TEX9: variants seen among roughly 807,000 people sequenced by gnomAD.
The protein encoded by TEX9 is testis-expressed protein 9.
In TEX9, 74 loss-of-function variants were observed where a neutral mutation model predicts 59.6. The ratio of observed to expected loss-of-function variants is 1.24; its 90% CI spans 1.03 to 1.51. The LOEUF (loss-of-function observed/expected upper bound fraction) is 1.51, where lower values mean the gene tolerates loss of function less well. Ranked by LOEUF, TEX9 falls within the 40% of genes most tolerant of loss-of-function variation. The pLI is 0.00. For missense variants in TEX9, 522 were observed against 447.8 expected (o/e 1.17, Z -1.49); for synonymous variants, 186 against 152.2 (o/e 1.22, Z -1.64).
chr15:56,452,545 GT>G, the TEX9 span, among the ~76,000 whole-genome samples: 1 of 147,582 alleles, frequency 6.8e-6, no homozygotes, highest in Non-Finnish European at 1.5e-5. Flanking sequence ...TTGAGACAGA[GT>G]CTCTCTCTGT....
chr15:56,306,188 A>G (rs2045477999), intron 1 of TEX9, among the ~76,000 whole-genome samples: 1 of 143,096 alleles, frequency 7.0e-6, no homozygotes, highest in Non-Finnish European at 1.5e-5. Context: ...GCAGAACAGT[A>G]TGGAGGTTCC....
chr15:56,299,409 G>A (rs1250241422), intron 1 of TEX9, among the ~76,000 whole-genome samples: 1 of 152,162 alleles, frequency 6.6e-6, no homozygotes, highest in Non-Finnish European at 1.5e-5. Context: ...CTACCACCAT[G>A]GGCTAAAACA....
rs1555447129 is a variant in TEX9, at chr15:56,426,640, C to CACAA, written c.964-962_964-961insAACA. Among the ~76,000 whole-genome samples, 37 of 52,982 alleles carry CACAA rather than the reference C, an allele frequency of 7.0e-4. 1 individual carries two copies. Among genetic ancestry groups the CACAA allele is most frequent in the African/African-American group, 1.5e-3 (33 of 22,376 alleles). The allele number at this position is 52,982 out of a possible 152,430, so 34.8% of individuals were successfully genotyped here. A position where few individuals can be genotyped will look rare whatever the true frequency, so the allele number is the denominator to read the frequency against. ...ATATATATATATACACACACACAAA[C>CACAA]ACACACACACACACGTATGTATACA... is the stretch of plus-strand genomic sequence containing the variant. On this transcript the variant is annotated intron_variant, in intron 10 of 12. Transcript: ENST00000352903.
intron 3 of TEX9, among the ~76,000 whole-genome samples, chr15:56,378,952 T>A (rs1246583993): frequency 2.0e-5 from 3 of 151,570 alleles, no homozygotes; most frequent in Non-Finnish European, 4.4e-5. Context: ...TAGTCCCAAC[T>A]ACTTGAGGGG....
intron 1 of TEX9, among the ~76,000 whole-genome samples, chr15:56,316,295 G>A (rs1218032302): frequency 4.3e-4 from 65 of 151,956 alleles, no homozygotes; most frequent in African/African-American, 1.5e-3. Flanking sequence ...TCTACTTTTC[G>A]TCTTTGATGA....
intron 1 of TEX9, among the ~76,000 whole-genome samples, chr15:56,306,326 G>C (rs2045486672): frequency 6.8e-6 from 1 of 147,404 alleles, no homozygotes; most frequent in Non-Finnish European, 1.5e-5. Context: ...GTGCATTGCA[G>C]TACTATTCAC....
At chr15:56,254,491 C>T (rs1489547438) in intron 1 of TEX9, among the ~76,000 whole-genome samples, 1 of 151,372 alleles carries the variant, frequency 6.6e-6, no homozygotes, top group East Asian at 1.9e-4. Context: ...CAGTGGACCC[C>T]AGGAGGCACA....
intron 1 of TEX9, among the ~76,000 whole-genome samples, chr15:56,286,122 G>T (rs1177656232): frequency 6.6e-6 from 1 of 152,088 alleles, no homozygotes; most frequent in Admixed American, 6.6e-5. Context: ...TTTCATCTCT[G>T]TATTTCCCCT....
chr15:56,428,365 A>G lies in TEX9; in HGVS notation c.1099-2A>G. On this transcript the variant is annotated splice_acceptor_variant, in intron 11 of 12. Coordinates refer to ENST00000352903, the Ensembl canonical transcript of TEX9. LOFTEE classifies it high-confidence loss of function. ...AGACAATATTGATTTTTTTTTTAAC[A>G]GATGCATATTGAAGCTGCCAAGATG... 2 of 1,608,600 alleles carry G rather than the reference A, an allele frequency of 1.2e-6. No individual in the cohort carries two copies. The highest frequency in any genetic ancestry group is 1.1e-5 in the South Asian group (1 of 90,796).
chr15:56,379,754 T>C (rs1451283136), intron 3 of TEX9, among the ~76,000 whole-genome samples: 1 of 152,208 alleles, frequency 6.6e-6, no homozygotes. Flanking sequence ...AATCATTATA[T>C]CCTGTTGCTG....
chr15:56,247,670 T>C (rs1400501203), intron 1 of TEX9, among the ~76,000 whole-genome samples: 2 of 152,202 alleles, frequency 1.3e-5, no homozygotes, highest in African/African-American at 2.4e-5. Flanking sequence ...CTTTGCATTA[T>C]AGTTAGGATC....
At position 56,416,246 on chromosome 15, in the gene TEX9, A is replaced by G. The variant is rs1320453834; in HGVS notation, c.963+3810A>G. Among the ~76,000 whole-genome samples the G allele has an allele frequency of 2.0e-5, 3 of 151,808 alleles. 1 individual carries two copies. The highest frequency in any genetic ancestry group is 7.3e-5 in the African/African-American group (3 of 41,118). On this transcript the variant is annotated intron_variant, in intron 10 of 12. Transcript: ENST00000352903. ...CTGATTCCTCTGGTTAGGACTTCCA[A>G]TACTATGTTGAATAGTGTTGAGAGA... is the stretch of plus-strand genomic sequence containing the variant.
In TEX9 at chr15:56,436,264, C is replaced by T. The variant is rs549649834; in HGVS notation, c.*29+7791C>T. On this transcript the variant is annotated intron_variant, in intron 12 of 12. Coordinates refer to ENST00000352903, the Ensembl canonical transcript of TEX9. ...AAATTATAACAAACTGTCTCTCAGACCACAGTGCAATCAAACTAGAACTCA... is the reference window on the plus strand; with the variant it reads ...AAATTATAACAAACTGTCTCTCAGATCACAGTGCAATCAAACTAGAACTCA... Among the ~76,000 whole-genome samples, 27 of 152,276 alleles carry T rather than the reference C, an allele frequency of 1.8e-4. 1 individual carries two copies. The South Asian group carries it at 5.4e-3, about 30-fold the overall frequency.
intron 9 of TEX9, among the ~76,000 whole-genome samples, chr15:56,399,724 C>A (rs1485987698): frequency 2.0e-5 from 3 of 152,184 alleles, no homozygotes; most frequent in African/African-American, 7.2e-5. Context: ...CAACAGACAC[C>A]TCATGTAGGT....
intron 10 of TEX9, among the ~76,000 whole-genome samples, chr15:56,425,077 G>A (rs1055532555): frequency 5.3e-5 from 8 of 151,906 alleles, no homozygotes; most frequent in Admixed American, 3.9e-4. Context: ...CTGACTTCTG[G>A]CCTGTAAAGT....
chr15:56,310,481 A>G (rs541045808), intron 1 of TEX9, among the ~76,000 whole-genome samples: 1 of 152,340 alleles, frequency 6.6e-6, no homozygotes, highest in South Asian at 2.1e-4. Flanking sequence ...GTTTGTTCAC[A>G]TCTTTCTAGG....
chr15:56,456,658 T>G, the TEX9 span: 3 of 898,044 alleles, frequency 3.3e-6, no homozygotes, highest in African/African-American at 5.2e-5. Context: ...ATACAAAATG[T>G]TGTTTCAATA....
exon 7 of TEX9, chr15:56,391,332 G>A (rs753122116): frequency 4.4e-6 from 7 of 1,605,098 alleles, no homozygotes; most frequent in Middle Eastern, 1.7e-4. Flanking sequence ...AAAACAATTA[G>A]CAAAATTGAA....
At chr15:56,286,944 T>A (rs1353909615) in intron 1 of TEX9, among the ~76,000 whole-genome samples, 2 of 152,136 alleles carry the variant, frequency 1.3e-5, no homozygotes, top group Non-Finnish European at 2.9e-5. Flanking sequence ...ATTATTTCTA[T>A]AGTCCCCTTC....
Sources: allele counts gnomAD v4.1 joint callset (sites outside exome capture counted in the v4.1 genomes callset), GRCh38; gene constraint gnomAD v4.1.1; transcripts MANE v1.5; gene names NCBI Gene and HGNC (gene_info 2026-07-23, HGNC 2026-07-21).